The following PFDN2 variants were observed in gnomAD, a reference collection of about 807,000 sequenced individuals.
PFDN2 encodes the protein prefoldin 2.
A neutral mutation model predicts 18.3 loss-of-function variants in PFDN2; 7 were observed. The observed-to-expected ratio is 0.38, with a 90% confidence interval of 0.22 to 0.72. The LOEUF (loss-of-function observed/expected upper bound fraction) is 0.72. Among genes scored for constraint, PFDN2 ranks in the 30% least tolerant of loss-of-function variants. The pLI, the probability that PFDN2 is intolerant of heterozygous loss-of-function variation, is 0.47. For missense variants in PFDN2, 181 were observed against 199.1 expected, an observed-to-expected ratio of 0.91 and a Z score of 0.55; for synonymous variants, 76 against 75.0, an observed-to-expected ratio of 1.01 and a Z score of -0.07.
chr1:161,116,253 T>A (rs1339594800), intron 1 of PFDN2, among the ~76,000 whole-genome samples: 1 of 151,614 alleles, frequency 6.6e-6, no homozygotes, highest in African/African-American at 2.4e-5. Context: ...CTGTGGCTCA[T>A]GCCTGTAATC....
At chr1:161,115,226 G>A (rs1373447096) in intron 1 of PFDN2, among the ~76,000 whole-genome samples, 2 of 152,100 alleles carry the variant, frequency 1.3e-5, no homozygotes, top group Non-Finnish European at 2.9e-5. Flanking sequence ...ACCACACCTG[G>A]CTAATTTTTT....
intron 1 of PFDN2, among the ~76,000 whole-genome samples, chr1:161,110,620 CAATAGAAG>C (rs913273845): frequency 6.6e-6 from 1 of 152,030 alleles, no homozygotes; most frequent in African/African-American, 2.4e-5. Flanking sequence ...TTACTGGTTT[CAATAGAAG>C]AATAGAAGAG....
chr1:161,117,780 AC>A (rs1655004314), intron 1 of PFDN2, among the ~76,000 whole-genome samples, 171 bp downstream of exon 1: 1 of 151,474 alleles, frequency 6.6e-6, no homozygotes. Flanking sequence ...TCACCTACCC[AC>A]CCGTCTACCT....
intron 1 of PFDN2, among the ~76,000 whole-genome samples, chr1:161,116,521 A>G (rs975964017): frequency 5.9e-5 from 9 of 152,198 alleles, no homozygotes; most frequent in Non-Finnish European, 2.9e-5. Flanking sequence ...ACAACAAAAA[A>G]GTATTAAAAA....
chr1:161,103,121 G>A (rs1217821865), intron 1 of PFDN2, among the ~76,000 whole-genome samples: 1 of 152,070 alleles, frequency 6.6e-6, no homozygotes, highest in Non-Finnish European at 1.5e-5. Flanking sequence ...AACTTGGTGT[G>A]GTTCTTTTGG....
chr1:161,100,984 G>C, intron 3 of PFDN2, 125 bp from the exon 4 acceptor site: 2 of 642,256 alleles, frequency 3.1e-6, no homozygotes, highest in Non-Finnish European at 5.4e-6. Context: ...GAGGAGCCCA[G>C]ACATTAAAAT....
At chr1:161,116,325 G>A (rs560225622) in intron 1 of PFDN2, among the ~76,000 whole-genome samples, 216 of 152,260 alleles carry the variant, frequency 1.4e-3, no homozygotes, top group Middle Eastern at 3.4e-3. Context: ...AGACCAGCTT[G>A]GCCAACATGG....
rs199852014 is a variant in PFDN2, at chr1:161,117,237, C to CA, written c.75+714dup. On this transcript the variant is annotated intron_variant, in intron 1 of 3. Coordinates refer to ENST00000368010, the MANE Select transcript of PFDN2 (RefSeq NM_012394.4). ...TGGGCGACAGAGCGAGACTCCGTCT[C>CA]AAAAAAAAACGATAATAATAAAGTA... 6.7e-3 allele frequency among the ~76,000 whole-genome samples: 996 copies of CA among 149,718 alleles called. 6 individuals are homozygous for CA. Among genetic ancestry groups the CA allele is most frequent in the African/African-American group, 0.022 (880 of 40,838 alleles).
chr1:161,101,283 TC>T (rs1450904624), intron 3 of PFDN2, among the ~76,000 whole-genome samples: 9 of 151,952 alleles, frequency 5.9e-5, no homozygotes, highest in African/African-American at 2.2e-4. Context: ...CACTGCAAGC[TC>T]CGCCTCGCAG....
At chr1:161,117,310 A>G (rs1571192856) in intron 1 of PFDN2, among the ~76,000 whole-genome samples, 2 of 152,206 alleles carry the variant, frequency 1.3e-5, no homozygotes, top group East Asian at 3.9e-4. Flanking sequence ...TCCCACTCCT[A>G]TTTTTCCACT....
At chr1:161,100,903 C>A (rs1402039392) in intron 3 of PFDN2, 44 bp from the exon 4 acceptor site, 1 of 1,454,974 alleles carries the variant, frequency 6.9e-7, no homozygotes, top group Non-Finnish European at 9.6e-7. Flanking sequence ...TTCAGGACTC[C>A]TTTCCCCCAC....
In PFDN2 at chr1:161,102,176, G is replaced by C. The variant is rs1295654638; in HGVS notation, c.165-5C>G. On this transcript the variant is annotated splice_region_variant and splice_polypyrimidine_tract_variant and intron_variant, in intron 2 of 3. Coordinates refer to ENST00000368010, the MANE Select transcript of PFDN2 (RefSeq NM_012394.4). The stretch of plus-strand genomic sequence containing the variant: ...TTCAGTGTATCGATCACTAGGCTGG[G>C]ATAGGAGAACAAGGCAGGACCTGAG... 1.2e-6 allele frequency: 2 copies of C among 1,614,166 alleles called. No individual in the cohort carries two copies. The highest frequency in any genetic ancestry group is 2.2e-5 in the East Asian group (1 of 44,888).
At chr1:161,101,669 CA>C (rs1654563926) in intron 3 of PFDN2, among the ~76,000 whole-genome samples, 1 of 152,200 alleles carries the variant, frequency 6.6e-6, no homozygotes, top group Non-Finnish European at 1.5e-5. Flanking sequence ...CCAATTCAGC[CA>C]AGTCACAGAG....
At chr1:161,115,094 C>T (rs775164645) in intron 1 of PFDN2, among the ~76,000 whole-genome samples, 9 of 152,136 alleles carry the variant, frequency 5.9e-5, no homozygotes, top group Non-Finnish European at 1.2e-4. Flanking sequence ...ACAAGAGTCT[C>T]GCTCTTTGCC....
intron 1 of PFDN2, among the ~76,000 whole-genome samples, chr1:161,104,451 T>C (rs1258653304): frequency 7.9e-5 from 12 of 151,462 alleles, no homozygotes; most frequent in Admixed American, 7.2e-4. Context: ...CTTTTTCTTT[T>C]TTTTTTTTTT....
At chr1:161,110,720 C>G (rs1343548154) in intron 1 of PFDN2, among the ~76,000 whole-genome samples, 1 of 152,014 alleles carries the variant, frequency 6.6e-6, no homozygotes, top group African/African-American at 2.4e-5. Context: ...CAGTTCAGTG[C>G]CCCCTTTTCT....
At chr1:161,114,205 T>A (rs776661968) in intron 1 of PFDN2, among the ~76,000 whole-genome samples, 1 of 152,222 alleles carries the variant, frequency 6.6e-6, no homozygotes, top group African/African-American at 2.4e-5. Context: ...TACTGAATGT[T>A]TAACCTGGGT....
At chr1:161,111,425 C>G (rs1237678798) in intron 1 of PFDN2, among the ~76,000 whole-genome samples, 1 of 152,096 alleles carries the variant, frequency 6.6e-6, no homozygotes, top group Non-Finnish European at 1.5e-5. Flanking sequence ...CATGTTAGGC[C>G]AAATCATTCT....
chr1:161,110,988 C>T (rs1415907477), intron 1 of PFDN2, among the ~76,000 whole-genome samples: 1 of 151,368 alleles, frequency 6.6e-6, no homozygotes, highest in African/African-American at 2.4e-5. Flanking sequence ...TACAGGCGCC[C>T]GCCAATGCGC....
Sources: allele counts gnomAD v4.1 joint callset (sites outside exome capture counted in the v4.1 genomes callset), GRCh38; gene constraint gnomAD v4.1.1; transcripts MANE v1.5; gene names NCBI Gene and HGNC (gene_info 2026-07-23, HGNC 2026-07-21).